The following POTEB3 variants were observed in gnomAD, a reference collection of about 807,000 sequenced individuals.
POTEB3 encodes the protein ANKRD26-like family B member 1.
In POTEB3, 5 loss-of-function variants were observed where a neutral mutation model predicts 39.8. The observed-to-expected ratio is 0.13, with a 90% CI of 0.07 to 0.26. The LOEUF is 0.26. POTEB3 is among the 10% of genes least tolerant of loss of function. POTEB3 has a pLI of 1.00. For synonymous variants in POTEB3, 5 were observed against 161.5 expected, an observed-to-expected ratio of 0.03 and a Z score of 7.35; for missense variants, 24 against 475.6, an observed-to-expected ratio of 0.05 and a Z score of 8.83.
intron 10 of POTEB3, 114 bp from the exon 11 acceptor site, chr15:21,409,309 G>A (rs1898275027): frequency 1.3e-6 from 1 of 793,268 alleles, no homozygotes; most frequent in Admixed American, 3.2e-5. Context: ...TCCCATAGTG[G>A]ATATTTAACT....
intron 6 of POTEB3, chr15:21,425,145 G>A (rs1898634918): frequency 1.4e-5 from 2 of 140,718 alleles, no homozygotes; most frequent in East Asian, 2.1e-4. Flanking sequence ...TTGTCTCCTG[G>A]TTTCTTTACA....
intron 9 of POTEB3, among the ~76,000 whole-genome samples, chr15:21,415,671 C>G (rs1462000339): frequency 9.8e-4 from 34 of 34,772 alleles, no homozygotes; most frequent in Non-Finnish European, 1.3e-3. Flanking sequence ...ATCAAAGACT[C>G]TAAGAAATGA....
chr15:21,430,808 G>A (rs1399612745), intron 4 of POTEB3, among the ~76,000 whole-genome samples: 2 of 151,650 alleles, frequency 1.3e-5, no homozygotes, highest in Non-Finnish European at 2.9e-5. Context: ...CATGCTGAAA[G>A]CAGTAATATT....
intron 6 of POTEB3, among the ~76,000 whole-genome samples, chr15:21,422,775 A>G (rs1898558848): frequency 6.6e-6 from 1 of 151,590 alleles, no homozygotes; most frequent in African/African-American, 2.4e-5. Context: ...CCCTCAATGC[A>G]GCTGCAAGGT....
rs2672319 is a variant in POTEB3, at chr15:21,407,578, A to G, written c.*1405T>C. On this transcript the variant is annotated 3_prime_UTR_variant, in exon 11 of 11. Transcript: ENST00000611217. ...ACAGAAGCTATGGTGTGGGCACCCA[A>G]AAGTGCCCTCTAAGCAGGTGTGGCC... 2.2e-4 allele frequency among the ~76,000 whole-genome samples: 19 copies of G among 87,610 alleles called. No homozygotes were observed. Among genetic ancestry groups the G allele is most frequent in the African/African-American group, 4.2e-4 (4 of 9,586 alleles). 57.5% of individuals were successfully genotyped at this position (87,610 alleles called of 152,430 possible).
At chr15:21,433,221 G>T (rs1157253002) in intron 3 of POTEB3, among the ~76,000 whole-genome samples, 2 of 151,318 alleles carry the variant, frequency 1.3e-5, no homozygotes, top group African/African-American at 2.4e-5. Flanking sequence ...GTATTCAGTG[G>T]TTAAGCAGGA....
At chr15:21,433,175 G>T (rs1344152317) in intron 3 of POTEB3, among the ~76,000 whole-genome samples, 1 of 151,130 alleles carries the variant, frequency 6.6e-6, no homozygotes. Context: ...AATATCTGAA[G>T]TTTCTGAGAT....
chr15:21,413,544 A>ATATG lies in POTEB3; in HGVS notation c.1410-2544_1410-2543insCATA, dbSNP rs1163194539. 6.5e-4 allele frequency among the ~76,000 whole-genome samples: 18 copies of ATATG among 27,654 alleles called. 5 individuals carry two copies. Among genetic ancestry groups the ATATG allele is most frequent in the Non-Finnish European group, 8.5e-4 (15 of 17,646 alleles). The allele number at this position is 27,654 out of a possible 152,430, so 18.1% of individuals were successfully genotyped here. A position where few individuals can be genotyped will look rare whatever the true frequency, so the allele number is the denominator to read the frequency against. ...TATATATATATATATATATATATAT[A>ATATG]TATATATATGTATGTATGTATGTAT... On this transcript the variant is annotated intron_variant, in intron 9 of 10. Coordinates refer to ENST00000611217, the MANE Select transcript of POTEB3 (RefSeq NM_207355.5).
chr15:21,431,083 C>T (rs1898944330), intron 4 of POTEB3, among the ~76,000 whole-genome samples: 1 of 149,152 alleles, frequency 6.7e-6, no homozygotes, highest in Non-Finnish European at 1.5e-5. Flanking sequence ...TCTTTGTCAC[C>T]CACCTACAGC....
chr15:21,434,671 G>T lies in POTEB3; in HGVS notation c.800C>A (p.Ser267Ter). The T allele has an allele frequency of 1.8e-5, 1 of 54,912 alleles. No homozygotes were observed. Among genetic ancestry groups the T allele is most frequent in the South Asian group, 2.3e-4 (1 of 4,358 alleles). 3.4% of individuals were successfully genotyped at this position (54,912 alleles called of 1,614,324 possible). The change falls in exon 3 of 11, where the codon TCA (serine) becomes TAA (stop). Residue 267 changes from serine (S) to a stop codon, truncating the protein, a stop_gained. Coordinates refer to ENST00000611217, the MANE Select transcript of POTEB3 (RefSeq NM_207355.5). LOFTEE classifies it high-confidence loss of function. ...ALLLYGADIE[S>*]KNKCGLTPLL... ...TTGGTAGATCTATACCTTGTTTTTT[G>T]ATTCAATATCAGCACCATATAAGAG...
chr15:21,418,205 AT>A (rs1470116452), intron 9 of POTEB3, among the ~76,000 whole-genome samples: 2 of 70,436 alleles, frequency 2.8e-5, no homozygotes, highest in Non-Finnish European at 5.0e-5. Flanking sequence ...CTCAAAAAAA[AT>A]AAATATATAT....
chr15:21,434,057 ACACACAC>A (rs1184346831), intron 3 of POTEB3, among the ~76,000 whole-genome samples: 1 of 102,126 alleles, frequency 9.8e-6, no homozygotes, highest in African/African-American at 5.1e-5. Flanking sequence ...ACACACACAC[ACACACAC>A]AAACAAAAAC....
At chr15:21,425,118 T>A (rs1417763195) in intron 6 of POTEB3, 2 of 142,022 alleles carry the variant, frequency 1.4e-5, no homozygotes, top group Non-Finnish European at 3.1e-5. Context: ...TATAGATGAC[T>A]ACTGCAAAAG....
At chr15:21,424,662 C>T (rs1445619514) in intron 6 of POTEB3, among the ~76,000 whole-genome samples, 1 of 151,246 alleles carries the variant, frequency 6.6e-6, no homozygotes, top group East Asian at 1.9e-4. Context: ...TAATATGCTC[C>T]TTGCTCTCTT....
At chr15:21,414,365 T>C (rs1308036880) in intron 9 of POTEB3, among the ~76,000 whole-genome samples, 2 of 125,168 alleles carry the variant, frequency 1.6e-5, no homozygotes, top group Non-Finnish European at 1.6e-5. Flanking sequence ...AACCAATTCA[T>C]CTTGACCAAA....
intron 8 of POTEB3, among the ~76,000 whole-genome samples, 189 bp from the exon 9 acceptor site, chr15:21,419,819 A>G (rs1898464322): frequency 7.1e-6 from 1 of 140,530 alleles, no homozygotes; most frequent in African/African-American, 2.8e-5. Context: ...TGTCATTAGT[A>G]TATCACTGAA....
intron 5 of POTEB3, among the ~76,000 whole-genome samples, 184 bp from the exon 6 acceptor site, chr15:21,427,939 A>T (rs1898795500): frequency 3.4e-5 from 4 of 119,168 alleles, no homozygotes; most frequent in Non-Finnish European, 7.0e-5. Flanking sequence ...AAAGAAGAAA[A>T]AAAATTAGGT....
chr15:21,410,151 C>CT (rs1335338544), intron 10 of POTEB3, among the ~76,000 whole-genome samples: 2 of 86,176 alleles, frequency 2.3e-5, no homozygotes, highest in East Asian at 3.0e-4. Flanking sequence ...TAAGATATAA[C>CT]TTACAAGGCT....
In POTEB3 at chr15:21,413,506, TTATATATATATATATATATATATA is replaced by T. The variant is rs1160375320; in HGVS notation, c.1410-2529_1410-2506del. ...CAACTGATGAGTGGAATAAAGAAAATTATATATATATATATATATATATATATATATATATATATATATATATGT... is the reference window on the plus strand; with the variant it reads ...CAACTGATGAGTGGAATAAAGAAAATTATATATATATATATATATATATGT... On this transcript the variant is annotated intron_variant, in intron 9 of 10. Transcript: ENST00000611217. Among the ~76,000 whole-genome samples the T allele has an allele frequency of 8.3e-3, 12 of 1,452 alleles. 1 individual carries two copies. The highest frequency in any genetic ancestry group is 0.047 in the African/African-American group (3 of 64). 1.0% of individuals were successfully genotyped at this position (1,452 alleles called of 152,430 possible).
Sources: allele counts gnomAD v4.1 joint callset (sites outside exome capture counted in the v4.1 genomes callset), GRCh38; gene constraint gnomAD v4.1.1; transcripts MANE v1.5; gene names NCBI Gene and HGNC (gene_info 2026-07-23, HGNC 2026-07-21).